RARB: variants seen among roughly 807,000 people sequenced by gnomAD.
The protein encoded by RARB is retinoic acid receptor beta.
In RARB, 17 loss-of-function variants were observed where a neutral mutation model predicts 51.9. That is an observed-to-expected ratio of 0.33 (90% CI 0.22 to 0.49). The LOEUF is 0.49. Among genes scored for constraint, RARB ranks in the 20% least tolerant of loss-of-function variants. RARB has a pLI of 0.99. For missense variants in RARB, 369 were observed against 550.8 expected (o/e 0.67, Z 3.30); for synonymous variants, 215 against 195.4 (o/e 1.10, Z -0.84).
At position 25,200,379 on chromosome 3, in the gene RARB, C is replaced by T. The variant is rs571942013; in HGVS notation, c.178+25804C>T. 6.1e-3 allele frequency among the ~76,000 whole-genome samples: 932 copies of T among 151,894 alleles called. 17 individuals are homozygous for T. The highest frequency in any genetic ancestry group is 0.029 in the East Asian group (152 of 5,162). On this transcript the variant is annotated intron_variant, in intron 5 of 11. Coordinates refer to the RARB transcript ENST00000383772. ...ATAAGTAGATTGCAAAAATTTTCTC[C>T]CATTCTGTAGGTTGCCTGTTCACTC...
At chr3:25,035,080 A>G (rs187703651) in intron 2 of RARB, among the ~76,000 whole-genome samples, 2 of 152,312 alleles carry the variant, frequency 1.3e-5, no homozygotes, top group South Asian at 2.1e-4. Flanking sequence ...AGCTGTTTCA[A>G]TTTATTTAAC....
intron 5 of RARB, among the ~76,000 whole-genome samples, chr3:25,228,217 G>GTTTTTTTTTTTTTTT (rs55796125): frequency 1.9e-5 from 2 of 105,630 alleles, no homozygotes; most frequent in African/African-American, 7.6e-5. Flanking sequence ...GACTTTGAGG[G>GTTTTTTTTTTTTTTT]TTTTTTTTTT....
At chr3:24,847,431 T>C (rs535470920) in intron 1 of RARB, among the ~76,000 whole-genome samples, 1 of 152,224 alleles carries the variant, frequency 6.6e-6, no homozygotes, top group Non-Finnish European at 1.5e-5. Context: ...CCATATGAAT[T>C]CTTCCACCCT....
chr3:25,589,869 C>G (rs980108870), intron 5 of RARB, among the ~76,000 whole-genome samples: 5 of 152,204 alleles, frequency 3.3e-5, no homozygotes, highest in South Asian at 2.1e-4. Flanking sequence ...AGATAAGATG[C>G]CTTCCTTTCA....
At chr3:24,830,140 A>T (rs971717971) in intron 1 of RARB, among the ~76,000 whole-genome samples, 6 of 152,114 alleles carry the variant, frequency 3.9e-5, no homozygotes, top group African/African-American at 1.4e-4. Flanking sequence ...CTGGACTGTC[A>T]GCCGCGAAGG....
chr3:24,852,240 A>G (rs1489866290), intron 1 of RARB, among the ~76,000 whole-genome samples: 1 of 152,242 alleles, frequency 6.6e-6, no homozygotes, highest in Non-Finnish European at 1.5e-5. Flanking sequence ...ATCTGAAAGC[A>G]CCATTTCGCA....
At chr3:24,945,669 A>G (rs1433748575) in intron 2 of RARB, among the ~76,000 whole-genome samples, 2 of 152,240 alleles carry the variant, frequency 1.3e-5, no homozygotes, top group East Asian at 1.9e-4. Context: ...TTAAAAGGGA[A>G]TTCCCTTGGC....
intron 2 of RARB, among the ~76,000 whole-genome samples, chr3:24,887,088 G>C (rs1703281792): frequency 6.6e-6 from 1 of 152,166 alleles, no homozygotes; most frequent in Admixed American, 6.5e-5. Flanking sequence ...TATTCTGAAT[G>C]CCTGAAGATT....
chr3:25,331,450 A>G (rs1485936960), intron 5 of RARB, among the ~76,000 whole-genome samples: 1 of 152,238 alleles, frequency 6.6e-6, no homozygotes, highest in East Asian at 1.9e-4. Context: ...AAACGAAGGC[A>G]GAAATAAAGA....
chr3:25,050,132 C>G (rs925456358), intron 2 of RARB, among the ~76,000 whole-genome samples: 2 of 152,114 alleles, frequency 1.3e-5, no homozygotes, highest in African/African-American at 4.8e-5. Flanking sequence ...ATGAATGTGA[C>G]AAGTTTCTGG....
At chr3:24,866,291 A>T (rs547850514) in intron 2 of RARB, among the ~76,000 whole-genome samples, 4 of 152,030 alleles carry the variant, frequency 2.6e-5, no homozygotes, top group Non-Finnish European at 4.4e-5. Flanking sequence ...CTGAGTGACT[A>T]CCTTGTCCAG....
chr3:25,297,153 T>C (rs183366045), intron 5 of RARB, among the ~76,000 whole-genome samples: 80 of 152,342 alleles, frequency 5.3e-4, no homozygotes, highest in Non-Finnish European at 9.1e-4. Context: ...CAAAATGGTA[T>C]GTTCCCACAC....
At chr3:24,885,641 T>G (rs1703252664) in intron 2 of RARB, among the ~76,000 whole-genome samples, 1 of 152,128 alleles carries the variant, frequency 6.6e-6, no homozygotes, top group African/African-American at 2.4e-5. Context: ...AATCCTAATT[T>G]TGAGTAGCAG....
At chr3:25,026,482 C>A (rs1218661810) in intron 2 of RARB, among the ~76,000 whole-genome samples, 1 of 152,152 alleles carries the variant, frequency 6.6e-6, no homozygotes, top group Non-Finnish European at 1.5e-5. Flanking sequence ...GTCTTTTTTC[C>A]TGTGCACGCA....
intron 5 of RARB, among the ~76,000 whole-genome samples, chr3:25,241,034 TTTC>T (rs1466744456): frequency 1.3e-5 from 2 of 152,210 alleles, no homozygotes; most frequent in Non-Finnish European, 1.5e-5. Context: ...AGCCTTTCTA[TTTC>T]TTCTTGATTA....
intron 5 of RARB, among the ~76,000 whole-genome samples, chr3:25,371,065 G>A (rs1042171708): frequency 7.2e-5 from 11 of 152,066 alleles, no homozygotes; most frequent in African/African-American, 1.2e-4. Context: ...TATCCAAGAC[G>A]ATTTCTCCTG....
At chr3:25,084,140 C>G (rs1279443675) in intron 3 of RARB, among the ~76,000 whole-genome samples, 1 of 152,178 alleles carries the variant, frequency 6.6e-6, no homozygotes, top group African/African-American at 2.4e-5. Context: ...GTACCCTATT[C>G]TTCACATTCT....
intron 3 of RARB, among the ~76,000 whole-genome samples, chr3:25,115,402 A>G (rs971713529): frequency 1.3e-5 from 2 of 152,212 alleles, no homozygotes; most frequent in African/African-American, 4.8e-5. Context: ...AGGAACAGTA[A>G]CAATTGGGTG....
chr3:25,461,634 C>A (rs1021237901), intron 2 of RARB, among the ~76,000 whole-genome samples: 1 of 152,168 alleles, frequency 6.6e-6, no homozygotes, highest in African/African-American at 2.4e-5. Flanking sequence ...ATGGCTCACG[C>A]CTGTAATCCC....
Sources: gnomAD v4.1 joint callset for allele counts (sites outside exome capture counted in the v4.1 genomes callset) on GRCh38, gnomAD v4.1.1 for gene constraint, MANE v1.5 for transcripts, NCBI Gene and HGNC (gene_info 2026-07-23, HGNC 2026-07-21) for gene names.